SLC24A3: variants seen among roughly 807,000 people sequenced by gnomAD.
SLC24A3 encodes sodium/potassium/calcium exchanger 3.
SLC24A3 carries 28 observed loss-of-function variants against 75.8 expected under a neutral mutation model. The ratio of observed to expected loss-of-function variants is 0.37; its 90% CI spans 0.27 to 0.51. SLC24A3 has a LOEUF of 0.51. SLC24A3 is among the 20% of genes least tolerant of loss of function. The pLI is 0.94. For missense variants in SLC24A3, 663 were observed against 847.8 expected, an observed-to-expected ratio of 0.78 and a Z score of 2.71; for synonymous variants, 372 against 334.1, an observed-to-expected ratio of 1.11 and a Z score of -1.24.
chr20:19,493,779 A>G (rs751751680), intron 2 of SLC24A3, among the ~76,000 whole-genome samples: 1 of 152,206 alleles, frequency 6.6e-6, no homozygotes, highest in Non-Finnish European at 1.5e-5. Context: ...TGGCCAGTTC[A>G]TCCCCTTCCC....
intron 1 of SLC24A3, among the ~76,000 whole-genome samples, chr20:19,238,070 G>A (rs924914977): frequency 1.3e-5 from 2 of 152,130 alleles, no homozygotes; most frequent in African/African-American, 2.4e-5. Context: ...TCTATCATAA[G>A]TGTATATAGC....
At chr20:19,238,568 GT>G (rs796196774) in intron 1 of SLC24A3, among the ~76,000 whole-genome samples, 81 of 152,326 alleles carry the variant, frequency 5.3e-4, no homozygotes, top group African/African-American at 1.8e-3. Context: ...CCTATTTAAA[GT>G]GTAACTTCGA....
chr20:19,267,849 C>T (rs945772994), intron 1 of SLC24A3, among the ~76,000 whole-genome samples: 1 of 152,114 alleles, frequency 6.6e-6, no homozygotes, highest in Non-Finnish European at 1.5e-5. Flanking sequence ...CTGAAAATAT[C>T]CGCTAGGTGC....
intron 6 of SLC24A3, among the ~76,000 whole-genome samples, chr20:19,633,410 G>C (rs1156247876): frequency 6.6e-6 from 1 of 152,058 alleles, no homozygotes; most frequent in African/African-American, 2.4e-5. Flanking sequence ...AGCACTTTGG[G>C]AGGCCGAGGC....
rs116460491 is a variant in SLC24A3, at chr20:19,285,682, G to A, written c.271+4595G>A. The stretch of plus-strand genomic sequence containing the variant: ...GTTGTTTTCTTAGCCTGACACTGCC[G>A]ACTTCATCTGAAGCCTGGAAACATT... On this transcript the variant is annotated intron_variant, in intron 2 of 16. Coordinates refer to ENST00000328041, the MANE Select transcript of SLC24A3 (RefSeq NM_020689.4). 5.2e-3 allele frequency among the ~76,000 whole-genome samples: 766 copies of A among 147,460 alleles called. 7 individuals are homozygous for A. Among genetic ancestry groups the A allele is most frequent in the African/African-American group, 0.019 (727 of 39,074 alleles).
At chr20:19,680,118 CTGTGTG>C (rs111879136) in intron 9 of SLC24A3, among the ~76,000 whole-genome samples, 1 of 146,716 alleles carries the variant, frequency 6.8e-6, no homozygotes, top group Admixed American at 6.9e-5. Flanking sequence ...GTGTCTGTGT[CTGTGTG>C]TGTGTCTGTG....
chr20:19,256,969 G>C (rs970020149), intron 1 of SLC24A3, among the ~76,000 whole-genome samples: 2 of 151,970 alleles, frequency 1.3e-5, no homozygotes, highest in Admixed American at 1.3e-4. Flanking sequence ...TGGAATTCAT[G>C]GCTCGCATTA....
intron 2 of SLC24A3, chr20:19,284,513 A>C (rs41308058): frequency 0.012 from 1,793 of 152,794 alleles, 18 homozygotes; most frequent in South Asian, 0.026. Flanking sequence ...TACACTTAAC[A>C]GAGCCTACGG....
chr20:19,408,676 C>T (rs1384331674), intron 2 of SLC24A3, among the ~76,000 whole-genome samples: 1 of 152,178 alleles, frequency 6.6e-6, no homozygotes, highest in Non-Finnish European at 1.5e-5. Flanking sequence ...AGGTGTCAGC[C>T]ACCACACCCG....
intron 2 of SLC24A3, among the ~76,000 whole-genome samples, chr20:19,498,052 C>T (rs6035357): frequency 0.27 from 41,111 of 151,874 alleles, 5,842 homozygotes; most frequent in East Asian, 0.5. Context: ...ATTAGATTCT[C>T]GTAGGAGCAT....
intron 2 of SLC24A3, among the ~76,000 whole-genome samples, chr20:19,333,718 G>A (rs1985057378): frequency 6.6e-6 from 1 of 151,766 alleles, no homozygotes; most frequent in Non-Finnish European, 1.5e-5. Context: ...GATTAGGTGA[G>A]TTGATGACTG....
intron 8 of SLC24A3, among the ~76,000 whole-genome samples, chr20:19,670,560 A>C (rs983809169): frequency 1.3e-5 from 2 of 152,262 alleles, no homozygotes; most frequent in East Asian, 1.9e-4. Flanking sequence ...ACTTAATTCA[A>C]TCTGACTACA....
At chr20:19,304,952 T>TA (rs1235670704) in intron 2 of SLC24A3, among the ~76,000 whole-genome samples, 2 of 152,224 alleles carry the variant, frequency 1.3e-5, no homozygotes, top group Non-Finnish European at 2.9e-5. Context: ...CTTTCCTTTT[T>TA]GAATGCAAAG....
intron 1 of SLC24A3, among the ~76,000 whole-genome samples, chr20:19,225,492 C>T (rs1981846019): frequency 6.6e-6 from 1 of 152,166 alleles, no homozygotes. Flanking sequence ...TATCATACTA[C>T]ATATAATGTT....
chr20:19,515,795 A>C (rs142423205), intron 3 of SLC24A3, among the ~76,000 whole-genome samples: 2 of 152,298 alleles, frequency 1.3e-5, no homozygotes, highest in Admixed American at 6.5e-5. Flanking sequence ...TAGTGCCCAG[A>C]GTGTGGACTC....
At chr20:19,403,066 A>C (rs1600466376) in intron 2 of SLC24A3, among the ~76,000 whole-genome samples, 2 of 152,342 alleles carry the variant, frequency 1.3e-5, no homozygotes, top group Middle Eastern at 3.4e-3. Flanking sequence ...ATATTCCCCC[A>C]GGTAATGTGA....
chr20:19,685,463 C>G, intron 12 of SLC24A3, 102 bp downstream of exon 12: 2 of 1,523,658 alleles, frequency 1.3e-6, no homozygotes, highest in Non-Finnish European at 1.8e-6. Context: ...TTTTTAAAAT[C>G]TCTGTATGAA....
At chr20:19,502,134 A>C (rs953461803) in intron 2 of SLC24A3, among the ~76,000 whole-genome samples, 1 of 152,124 alleles carries the variant, frequency 6.6e-6, no homozygotes, top group Non-Finnish European at 1.5e-5. Context: ...AACCTCCCCA[A>C]GGTGTGTAGC....
chr20:19,347,426 C>T (rs535598926), intron 2 of SLC24A3, among the ~76,000 whole-genome samples: 2 of 151,922 alleles, frequency 1.3e-5, no homozygotes, highest in South Asian at 4.1e-4. Context: ...TACAAATGTA[C>T]CTCACCAATG....
Sources: allele counts gnomAD v4.1 joint callset (sites outside exome capture counted in the v4.1 genomes callset), GRCh38; gene constraint gnomAD v4.1.1; transcripts MANE v1.5; gene names NCBI Gene and HGNC (gene_info 2026-07-23, HGNC 2026-07-21).